The following CDH12 variants were observed in gnomAD, a reference collection of about 807,000 sequenced individuals.
The protein encoded by CDH12 is cadherin 12.
Under a neutral mutation model 74.1 loss-of-function variants are expected in CDH12, and 41 were observed. The observed-to-expected ratio is 0.55, with a 90% CI of 0.43 to 0.72. CDH12 has a LOEUF of 0.72. CDH12 is among the 30% of genes least tolerant of loss of function. The probability of loss-of-function intolerance (pLI) is 0.00; values close to 1 mark genes in which losing one functional copy is unlikely to be tolerated. For missense variants in CDH12, 945 were observed against 977.2 expected (o/e 0.97, Z 0.44); for synonymous variants, 399 against 355.0 (o/e 1.12, Z -1.39).
chr5:21,844,451 A>G (rs1375062975), intron 7 of CDH12, among the ~76,000 whole-genome samples: 3 of 152,138 alleles, frequency 2.0e-5, no homozygotes, highest in Non-Finnish European at 4.4e-5. Context: ...GGTCATCACT[A>G]GAAATTGACT....
intron 3 of CDH12, among the ~76,000 whole-genome samples, chr5:22,256,578 CA>C (rs1753325978): frequency 6.6e-6 from 1 of 152,052 alleles, no homozygotes; most frequent in African/African-American, 2.4e-5. Flanking sequence ...AACTATAAAA[CA>C]GTGTCAGGCA....
At chr5:22,624,862 T>C (rs1441759240) in intron 1 of CDH12, among the ~76,000 whole-genome samples, 1 of 152,166 alleles carries the variant, frequency 6.6e-6, no homozygotes, top group African/African-American at 2.4e-5. Flanking sequence ...CATGCACACG[T>C]ATGTTTATTG....
intron 1 of CDH12, among the ~76,000 whole-genome samples, chr5:22,586,270 C>T (rs185667730): frequency 2.5e-3 from 377 of 152,018 alleles, no homozygotes; most frequent in African/African-American, 7.2e-3. Context: ...CTCTCACTCA[C>T]AGGTGGGAAT....
intron 4 of CDH12, among the ~76,000 whole-genome samples, chr5:22,209,899 G>A (rs1486983352): frequency 2.0e-5 from 3 of 152,090 alleles, no homozygotes; most frequent in Admixed American, 6.5e-5. Context: ...GAGTGTATGA[G>A]TTTTAAACAC....
At chr5:22,266,891 A>T (rs2150397572) in intron 3 of CDH12, among the ~76,000 whole-genome samples, 1 of 152,284 alleles carries the variant, frequency 6.6e-6, no homozygotes, top group Non-Finnish European at 1.5e-5. Flanking sequence ...CTTTTGTCAA[A>T]TGCAATTTGA....
chr5:22,281,861 T>C (rs1372363081), intron 3 of CDH12, among the ~76,000 whole-genome samples: 2 of 152,136 alleles, frequency 1.3e-5, no homozygotes, highest in African/African-American at 4.8e-5. Context: ...TTCACAGAAT[T>C]ATAAAAAAAC....
chr5:21,930,658 T>C (rs749053422), intron 6 of CDH12, among the ~76,000 whole-genome samples: 47 of 152,224 alleles, frequency 3.1e-4, no homozygotes, highest in Non-Finnish European at 5.4e-4. Context: ...CCTTCTTGCA[T>C]GATGCTGGAA....
chr5:21,833,193 A>T (rs1749237299), intron 8 of CDH12, among the ~76,000 whole-genome samples: 1 of 44,388 alleles, frequency 2.3e-5, no homozygotes, highest in Non-Finnish European at 3.1e-5. Context: ...TATATAACAT[A>T]TAATATATAT....
chr5:22,128,480 T>A lies in CDH12; in HGVS notation c.-186-49618A>T, dbSNP rs186022837. Among the ~76,000 whole-genome samples, 150 of 152,262 alleles carry A rather than the reference T, an allele frequency of 9.9e-4. 1 individual carries two copies. Among genetic ancestry groups the A allele is most frequent in the African/African-American group, 3.4e-3 (143 of 41,550 alleles). On this transcript the variant is annotated intron_variant, in intron 4 of 14. Transcript: ENST00000382254. The stretch of plus-strand genomic sequence containing the variant: ...TATTTCTATCACACATAGGTATCAT[T>A]TTCTACACTTAAAACACTTCTTCTA...
At chr5:22,081,305 T>C (rs1198362810) in intron 4 of CDH12, among the ~76,000 whole-genome samples, 1 of 152,170 alleles carries the variant, frequency 6.6e-6, no homozygotes, top group Non-Finnish European at 1.5e-5. Context: ...CAGAGAATCT[T>C]TTGCATCTAT....
At chr5:22,364,630 T>G (rs1243652326) in intron 3 of CDH12, among the ~76,000 whole-genome samples, 1 of 152,188 alleles carries the variant, frequency 6.6e-6, no homozygotes, top group African/African-American at 2.4e-5. Flanking sequence ...GAAAAAAATT[T>G]GACTCAGGCA....
intron 6 of CDH12, among the ~76,000 whole-genome samples, chr5:21,879,918 G>C (rs1752151934): frequency 6.6e-6 from 1 of 152,198 alleles, no homozygotes; most frequent in Admixed American, 6.5e-5. Context: ...CTAACAGGTA[G>C]ATGGAAAACT....
chr5:22,012,119 G>C (rs189591667), intron 5 of CDH12, among the ~76,000 whole-genome samples: 67 of 141,114 alleles, frequency 4.7e-4, no homozygotes, highest in African/African-American at 1.9e-3. Flanking sequence ...AATTATTAAC[G>C]ATTGATTTAA....
chr5:22,219,660 C>A (rs1751942245), intron 3 of CDH12, among the ~76,000 whole-genome samples: 1 of 151,636 alleles, frequency 6.6e-6, no homozygotes, highest in African/African-American at 2.4e-5. Flanking sequence ...ATATAGATTT[C>A]AGTTTTTGTA....
At chr5:22,184,591 T>C (rs1749826005) in intron 4 of CDH12, among the ~76,000 whole-genome samples, 1 of 152,138 alleles carries the variant, frequency 6.6e-6, no homozygotes, top group Admixed American at 6.5e-5. Context: ...TGCACGACAA[T>C]GAACACAGCA....
chr5:22,666,296 TTTTTTG>T lies in CDH12; in HGVS notation c.-522-160938_-522-160933del, dbSNP rs1490392690. Among the ~76,000 whole-genome samples, 48 of 91,538 alleles carry T rather than the reference TTTTTTG, an allele frequency of 5.2e-4. 1 individual carries two copies. In the South Asian group the frequency reaches 0.017, roughly 33 times the overall value. 60.1% of individuals were successfully genotyped at this position (91,538 alleles called of 152,430 possible). The stretch of plus-strand genomic sequence containing the variant: ...TATCTCTCTATCTTTTTTTTTTTTT[TTTTTTG>T]TTTTTGAGACGGAGTCTGTCTCTGA... On this transcript the variant is annotated intron_variant, in intron 1 of 14. Coordinates refer to ENST00000382254, the MANE Select transcript of CDH12 (RefSeq NM_004061.5).
At position 22,752,747 on chromosome 5, in the gene CDH12, A is replaced by G. The variant is rs189392878; in HGVS notation, c.-523+100311T>C. ...CCACTACGCCCGGCTAATTTTTTGT[A>G]TTTTTTTACTAGAGACGGGGTTTCA... On this transcript the variant is annotated intron_variant, in intron 1 of 14. Transcript: ENST00000382254. Among the ~76,000 whole-genome samples the G allele has an allele frequency of 8.3e-3, 1,218 of 146,126 alleles. 17 individuals carry two copies. The highest frequency in any genetic ancestry group is 0.03 in the African/African-American group (1,157 of 39,126).
intron 5 of CDH12, among the ~76,000 whole-genome samples, chr5:21,984,296 C>T (rs1429720510): frequency 3.3e-5 from 5 of 152,124 alleles, no homozygotes; most frequent in African/African-American, 2.4e-5. Flanking sequence ...TACAGAATAA[C>T]GTCTTTTAAA....
At chr5:22,325,774 A>C (rs1332763672) in intron 3 of CDH12, among the ~76,000 whole-genome samples, 1 of 151,930 alleles carries the variant, frequency 6.6e-6, no homozygotes, top group African/African-American at 2.4e-5. Context: ...CGGGCGTGGT[A>C]GCGGTCATCT....
Sources: gnomAD v4.1 joint callset for allele counts (sites outside exome capture counted in the v4.1 genomes callset) on GRCh38, gnomAD v4.1.1 for gene constraint, MANE v1.5 for transcripts, NCBI Gene and HGNC (gene_info 2026-07-23, HGNC 2026-07-21) for gene names.